Variants in RNF24 observed in about 807,000 individuals in gnomAD.
The protein encoded by RNF24 is ring finger protein 24.
In RNF24, 14 loss-of-function variants were observed where a neutral mutation model predicts 20.0. The ratio of observed to expected loss-of-function variants is 0.70; its 90% CI spans 0.46 to 1.10. The LOEUF is 1.10. Among genes scored for constraint, RNF24 ranks in the 50% least tolerant of loss-of-function variants. RNF24 has a pLI of 0.00. For synonymous variants in RNF24, 45 were observed against 61.1 expected, an observed-to-expected ratio of 0.74 and a Z score of 1.23; for missense variants, 124 against 177.6, an observed-to-expected ratio of 0.70 and a Z score of 1.71.
In RNF24 at chr20:3,931,479, C is replaced by G. The variant is rs959342773; in HGVS notation, c.*2584G>C. The stretch of plus-strand genomic sequence containing the variant: ...TTAAAGGAGGATGTAAATTAAAAGG[C>G]CTGTTTGTCTGTACAGCAATGCAGA... On this transcript the variant is annotated 3_prime_UTR_variant, in exon 6 of 6. Transcript: ENST00000358395. 2 of 152,194 alleles carry G rather than the reference C, an allele frequency of 1.3e-5. No homozygotes were observed. Among genetic ancestry groups the G allele is most frequent in the African/African-American group, 2.4e-5 (1 of 41,450 alleles). The allele number at this position is 152,194 out of a possible 1,614,324, so 9.4% of individuals were successfully genotyped here.
rs1327237407 is a variant in RNF24 at position 3,934,617 on chromosome 20, C to A, written c.308+377G>T. On this transcript the variant is annotated intron_variant, in intron 5 of 5. Coordinates refer to ENST00000358395, the MANE Select transcript of RNF24 (RefSeq NM_001134337.3). This position sits in a 1 kb window ranked among gnomAD's most constrained non-coding sequence, Gnocchi z 4.0. ...GTCTGCAGGAAGTGGGAGGAGAGTG[C>A]CCCACACTACCATTTATATCCAGAC... 6.6e-6 allele frequency among the ~76,000 whole-genome samples: 1 copy of A among 152,094 alleles called. No individual in the cohort carries two copies. The highest frequency in any genetic ancestry group is 1.5e-5 in the Non-Finnish European group (1 of 68,008).
At chr20:3,964,158 C>CCATT (rs376179278) in intron 1 of RNF24, 134 bp from the exon 2 acceptor site, 16 of 646,184 alleles carry the variant, frequency 2.5e-5, no homozygotes, top group African/African-American at 5.6e-5. Flanking sequence ...AATATTCTTG[C>CCATT]CATTCATTCA....
At chr20:3,980,732 C>T (rs1979308600) in intron 1 of RNF24, among the ~76,000 whole-genome samples, 1 of 152,106 alleles carries the variant, frequency 6.6e-6, no homozygotes, top group Non-Finnish European at 1.5e-5. Context: ...AAACTCAAGG[C>T]CTCTGGACTG....
chr20:3,960,641 C>T (rs2091191619), intron 2 of RNF24, among the ~76,000 whole-genome samples: 1 of 151,980 alleles, frequency 6.6e-6, no homozygotes, highest in Admixed American at 6.6e-5. Flanking sequence ...GCACTCCAGC[C>T]TGGTGACAGA....
chr20:3,934,305 A>G lies in RNF24; in HGVS notation c.309-104T>C, dbSNP rs1231524055. The G allele has an allele frequency of 3.3e-6, 4 of 1,226,364 alleles. No homozygotes were observed. The highest frequency in any genetic ancestry group is 4.5e-6 in the Non-Finnish European group (4 of 891,346). The allele number at this position is 1,226,364 out of a possible 1,614,324, so 76.0% of individuals were successfully genotyped here. Reference sequence around the variant, plus strand: ...CTGTCACCCAGACAACGTCTGCTGTATGGTCCAAGGAGCTCCCCTCCTAGG... The same window carrying G: ...CTGTCACCCAGACAACGTCTGCTGTGTGGTCCAAGGAGCTCCCCTCCTAGG... On this transcript the variant is annotated intron_variant, in intron 5 of 5. Coordinates refer to ENST00000358395, the MANE Select transcript of RNF24 (RefSeq NM_001134337.3). This position sits in a 1 kb window ranked among gnomAD's most constrained non-coding sequence, Gnocchi z 4.0.
rs2090789790 is a variant in RNF24 at position 3,929,564 on chromosome 20, A to G, written c.*4499T>C. 1 of 152,342 alleles carries G rather than the reference A, an allele frequency of 6.6e-6. No individual in the cohort carries two copies. Among genetic ancestry groups the G allele is most frequent in the Non-Finnish European group, 1.5e-5 (1 of 68,138 alleles). The allele number at this position is 152,342 out of a possible 1,614,324, so 9.4% of individuals were successfully genotyped here. A position where few individuals can be genotyped will look rare whatever the true frequency, so the allele number is the denominator to read the frequency against. On this transcript the variant is annotated 3_prime_UTR_variant, in exon 6 of 6. Coordinates refer to ENST00000358395, the MANE Select transcript of RNF24 (RefSeq NM_001134337.3). ...CTCAAACTCCTGCATCAAAGACACAAGAGCTTGCCTAAGTGACCACAACAG... is the reference window on the plus strand; with the variant it reads ...CTCAAACTCCTGCATCAAAGACACAGGAGCTTGCCTAAGTGACCACAACAG...
At chr20:3,967,725 G>A (rs563502803) in intron 1 of RNF24, among the ~76,000 whole-genome samples, 11 of 152,328 alleles carry the variant, frequency 7.2e-5, no homozygotes, top group African/African-American at 2.4e-4. Context: ...GCCGGGTGCA[G>A]TGGCTCATGC....
chr20:3,940,694 A>G (rs181117269), intron 4 of RNF24, among the ~76,000 whole-genome samples: 1 of 152,314 alleles, frequency 6.6e-6, no homozygotes, highest in Admixed American at 6.5e-5. Flanking sequence ...AGAGAAAGTG[A>G]TACATTACTG....
intron 1 of RNF24, among the ~76,000 whole-genome samples, chr20:3,965,568 A>T (rs763537631): frequency 6.6e-6 from 1 of 152,210 alleles, no homozygotes; most frequent in African/African-American, 2.4e-5. Flanking sequence ...TCAAATACAT[A>T]TTTAATTTCC....
At chr20:4,002,243 C>T (rs974094228) in intron 1 of RNF24, among the ~76,000 whole-genome samples, 10 of 151,380 alleles carry the variant, frequency 6.6e-5, no homozygotes, top group East Asian at 2.0e-4. Context: ...AAAATTAGCC[C>T]GGCGTGGTGG....
chr20:3,948,526 T>A (rs2091046476), intron 2 of RNF24, among the ~76,000 whole-genome samples: 1 of 152,182 alleles, frequency 6.6e-6, no homozygotes, highest in South Asian at 2.1e-4. Flanking sequence ...GACAGTCTAC[T>A]TATTTCAATA....
intron 1 of RNF24, among the ~76,000 whole-genome samples, chr20:4,011,527 G>T (rs1982461257): frequency 6.6e-6 from 1 of 152,178 alleles, no homozygotes; most frequent in Non-Finnish European, 1.5e-5. Flanking sequence ...GGAGAGAGGG[G>T]GCTCCAGCAG....
rs1424958136 is a variant in RNF24, at chr20:3,988,584, CCAG to C, written c.-7-24563_-7-24561del. 2.0e-5 allele frequency among the ~76,000 whole-genome samples: 3 copies of C among 151,912 alleles called. No homozygotes were observed. The East Asian group carries it at 5.8e-4, about 29-fold the overall frequency. Reference sequence around the variant, plus strand: ...AAGCAATCCTTCTGCCTTAGCCTCCCCAGGAGCTGCAACTATAGGCATGGACCA... The same window carrying C: ...AAGCAATCCTTCTGCCTTAGCCTCCCGAGCTGCAACTATAGGCATGGACCA... On this transcript the variant is annotated intron_variant, in intron 1 of 5. Transcript: ENST00000358395.
At chr20:4,013,553 T>C (rs370720406) in intron 1 of RNF24, among the ~76,000 whole-genome samples, 189 of 152,290 alleles carry the variant, frequency 1.2e-3, no homozygotes, top group African/African-American at 4.3e-3. Context: ...CGATCTAGGC[T>C]CACTGCAACC....
At chr20:3,973,048 C>T (rs1978510100) in intron 1 of RNF24, among the ~76,000 whole-genome samples, 1 of 151,186 alleles carries the variant, frequency 6.6e-6, no homozygotes, top group South Asian at 2.1e-4. Flanking sequence ...ACTAAAAACA[C>T]AAAAATTAGC....
Position 3,990,314 on chromosome 20 carries a change from A to C in RNF24, c.-8+25123T>G, listed in dbSNP as rs79137559. Among the ~76,000 whole-genome samples the C allele has an allele frequency of 4.6e-3, 696 of 152,284 alleles. 14 individuals carry two copies. Among genetic ancestry groups the C allele is most frequent in the Admixed American group, 0.03 (458 of 15,282 alleles). On this transcript the variant is annotated intron_variant, in intron 1 of 5. Transcript: ENST00000358395. ...AGTACTCTCACACATTATCAGTGGA[A>C]TTGTGAGTAGAATTATTGGCTTCCA... is the stretch of plus-strand genomic sequence containing the variant.
At chr20:4,000,207 T>C (rs1981273953) in intron 1 of RNF24, among the ~76,000 whole-genome samples, 1 of 152,134 alleles carries the variant, frequency 6.6e-6, no homozygotes, top group African/African-American at 2.4e-5. Context: ...CAAAAGAGAA[T>C]TGCCTAAAAC....
At chr20:3,940,834 A>G (rs1413401050) in intron 4 of RNF24, among the ~76,000 whole-genome samples, 1 of 152,178 alleles carries the variant, frequency 6.6e-6, no homozygotes, top group Non-Finnish European at 1.5e-5. Context: ...AAGGTGAAAT[A>G]AAAACATTCT....
intron 1 of RNF24, among the ~76,000 whole-genome samples, chr20:3,994,026 C>T (rs551199889): frequency 6.6e-6 from 1 of 152,302 alleles, no homozygotes; most frequent in Non-Finnish European, 1.5e-5. Flanking sequence ...TATTCTTTTT[C>T]TGTTCTAGGA....
Sources: allele counts gnomAD v4.1 joint callset (sites outside exome capture counted in the v4.1 genomes callset), GRCh38; gene constraint gnomAD v4.1.1; non-coding constraint Gnocchi (gnomAD v3.1); transcripts MANE v1.5; gene names NCBI Gene and HGNC (gene_info 2026-07-23, HGNC 2026-07-21).